Variants in AMBRA1 observed in about 807,000 individuals in gnomAD.
AMBRA1 encodes autophagy and beclin 1 regulator 1, also known as activating molecule in BECN1-regulated autophagy protein 1.
In AMBRA1, 47 loss-of-function variants were observed where a neutral mutation model predicts 125.4. The ratio of observed to expected loss-of-function variants is 0.37; its 90% CI spans 0.30 to 0.48. The LOEUF (loss-of-function observed/expected upper bound fraction) is 0.48. Ranked by LOEUF, AMBRA1 falls within the 20% of genes least tolerant of loss-of-function variation. The probability of loss-of-function intolerance (pLI) is 0.99; values close to 1 mark genes in which losing one functional copy is unlikely to be tolerated. For synonymous variants in AMBRA1, 626 were observed against 655.5 expected, an observed-to-expected ratio of 0.95 and a Z score of 0.69; for missense variants, 1,331 against 1,693.4, an observed-to-expected ratio of 0.79 and a Z score of 3.76.
intron 7 of AMBRA1, among the ~76,000 whole-genome samples, chr11:46,529,374 G>A (rs1238682025): frequency 6.6e-6 from 1 of 152,198 alleles, no homozygotes; most frequent in Non-Finnish European, 1.5e-5. Context: ...TCTCAGGTGA[G>A]GGGGCTGTCA....
At chr11:46,534,427 G>A (rs780257970) in intron 7 of AMBRA1, among the ~76,000 whole-genome samples, 2 of 151,984 alleles carry the variant, frequency 1.3e-5, no homozygotes, top group Non-Finnish European at 2.9e-5. Context: ...CCCGGGAGGC[G>A]GAGGTTACAG....
At position 46,508,120 on chromosome 11, in the gene AMBRA1, A is replaced by T. The variant is rs547496739; in HGVS notation, c.2339+71T>A. On this transcript the variant is annotated intron_variant, in intron 9 of 17. Transcript: ENST00000683756. ...CAAGAACATCCACCATTGTAGCTCC[A>T]ACAGTGGCCAACTTGGAAGCACTCC... 41 of 1,526,976 alleles carry T rather than the reference A, an allele frequency of 2.7e-5. No individual in the cohort carries two copies. The Middle Eastern group carries it at 6.0e-4, about 22-fold the overall frequency. 94.6% of individuals were successfully genotyped at this position (1,526,976 alleles called of 1,614,324 possible).
intron 11 of AMBRA1, among the ~76,000 whole-genome samples, chr11:46,471,968 T>C (rs936172925): frequency 6.6e-6 from 1 of 152,158 alleles, no homozygotes; most frequent in Non-Finnish European, 1.5e-5. Context: ...TCGTTTCACA[T>C]CCACATTAAT....
At chr11:46,545,461 C>CAA in intron 5 of AMBRA1, 143 bp downstream of exon 5, 64 of 834,526 alleles carry the variant, frequency 7.7e-5, no homozygotes, top group East Asian at 9.9e-5. Flanking sequence ...CACCCTGTCT[C>CAA]AAAAAAAAAA....
rs377069728 is a variant in AMBRA1, at chr11:46,435,032, C to T, written c.2638G>A (p.Val880Met). The T allele has an allele frequency of 2.4e-5, 39 of 1,604,474 alleles. No homozygotes were observed. Among genetic ancestry groups the T allele is most frequent in the Middle Eastern group, 1.7e-4 (1 of 6,054 alleles). Residue 880 changes from valine (V) to methionine (M), a missense_variant, in exon 13 of 18, where the codon GTG becomes ATG. By Grantham distance (21) the Val-to-Met change is conservative. This residue lies in a region of AMBRA1 where 354 missense variants were observed against 532.7 expected (regional missense o/e 0.66). Transcript: ENST00000683756. ...FDLPEISNAS[V>M]NVLVQNCKIY... ...TTGCAGTTCTGCACCAGCACATTCA[C>T]GGAAGCTGCATCAGACAAAGAAAGA...
chr11:46,538,993 A>G (rs996261831), intron 7 of AMBRA1, among the ~76,000 whole-genome samples: 2 of 152,136 alleles, frequency 1.3e-5, no homozygotes, highest in African/African-American at 2.4e-5. Flanking sequence ...ACCATCTTAC[A>G]TAGCACAGAT....
chr11:46,527,634 G>T (rs1051184098), intron 7 of AMBRA1, among the ~76,000 whole-genome samples: 12 of 151,802 alleles, frequency 7.9e-5, no homozygotes, highest in Middle Eastern at 6.8e-3. Context: ...CTAAACAATG[G>T]GCCAAAGACT....
At chr11:46,499,541 C>T (rs1950754484) in intron 9 of AMBRA1, among the ~76,000 whole-genome samples, 1 of 152,168 alleles carries the variant, frequency 6.6e-6, no homozygotes, top group African/African-American at 2.4e-5. Context: ...ATGTATTTTA[C>T]AAATACATTG....
intron 1 of AMBRA1, among the ~76,000 whole-genome samples, chr11:46,560,561 C>T (rs1158807950): frequency 1.3e-5 from 2 of 152,102 alleles, no homozygotes; most frequent in African/African-American, 4.8e-5. Context: ...TTCCTTACTC[C>T]CACTTACCTC....
rs553040136 is a variant in AMBRA1 at position 46,400,473 on chromosome 11, G to GTTTTTTTT, written c.3404-2538_3404-2531dup. On this transcript the variant is annotated intron_variant, in intron 17 of 17. Coordinates refer to ENST00000683756, the MANE Select transcript of AMBRA1 (RefSeq NM_001387011.1). ...CCTCATGCTTCTAGTTCTTTCTATAGTTTTTTTTTTTTTTTTTTTTTTTTT... is the reference window on the plus strand; with the variant it reads ...CCTCATGCTTCTAGTTCTTTCTATAGTTTTTTTTTTTTTTTTTTTTTTTTTTTTTTTTT... Among the ~76,000 whole-genome samples the GTTTTTTTT allele has an allele frequency of 1.8e-3, 90 of 48,874 alleles. 26 individuals are homozygous for GTTTTTTTT. Among genetic ancestry groups the GTTTTTTTT allele is most frequent in the Non-Finnish European group, 2.2e-3 (52 of 24,024 alleles). 32.1% of individuals were successfully genotyped at this position (48,874 alleles called of 152,430 possible). A position where few individuals can be genotyped will look rare whatever the true frequency, so the allele number is the denominator to read the frequency against.
At chr11:46,577,602 T>G (rs770317960) in intron 1 of AMBRA1, among the ~76,000 whole-genome samples, 2 of 152,014 alleles carry the variant, frequency 1.3e-5, no homozygotes, top group African/African-American at 4.8e-5. Flanking sequence ...TGGCTAAATT[T>G]ACGTGAAGTG....
chr11:46,526,822 T>C (rs1200834502), intron 7 of AMBRA1, among the ~76,000 whole-genome samples: 2 of 152,208 alleles, frequency 1.3e-5, no homozygotes, highest in East Asian at 1.9e-4. Context: ...GTGAACAAAG[T>C]AGTTCCTTAT....
intron 9 of AMBRA1, chr11:46,504,390 G>A (rs2135020628): frequency 6.6e-6 from 1 of 152,318 alleles, no homozygotes; most frequent in Middle Eastern, 3.4e-3. Context: ...GAAAATGGAA[G>A]TCTGCCTTAC....
At chr11:46,538,149 G>A (rs1451698037) in intron 7 of AMBRA1, among the ~76,000 whole-genome samples, 2 of 152,144 alleles carry the variant, frequency 1.3e-5, no homozygotes, top group East Asian at 3.8e-4. Flanking sequence ...CATTCAAATG[G>A]TGGTCCTTCT....
At chr11:46,565,726 A>C (rs928882254) in intron 1 of AMBRA1, among the ~76,000 whole-genome samples, 1 of 152,126 alleles carries the variant, frequency 6.6e-6, no homozygotes, top group African/African-American at 2.4e-5. Flanking sequence ...GTGTATAAAA[A>C]TGTTAACAGC....
intron 1 of AMBRA1, among the ~76,000 whole-genome samples, chr11:46,556,309 C>G (rs2043154568): frequency 6.6e-6 from 1 of 152,206 alleles, no homozygotes; most frequent in South Asian, 2.1e-4. Flanking sequence ...TGACTCCATA[C>G]AGCTCTTGTG....
At chr11:46,575,512 C>CT (rs775796043) in intron 1 of AMBRA1, among the ~76,000 whole-genome samples, 4,865 of 100,490 alleles carry the variant, frequency 0.048, 191 homozygotes, top group Non-Finnish European at 0.065. Context: ...TTTTTCTTTC[C>CT]TTTTTTTTTT....
At chr11:46,417,861 C>G in intron 15 of AMBRA1, 52 bp downstream of exon 15, 1 of 1,543,878 alleles carries the variant, frequency 6.5e-7, no homozygotes, top group South Asian at 1.2e-5. Context: ...TACTGATTAC[C>G]CCAGTCCTCG....
Position 46,494,114 on chromosome 11 carries a change from C to T in AMBRA1, c.2420+10G>A, listed in dbSNP as rs753061754. 5 of 1,598,996 alleles carry T rather than the reference C, an allele frequency of 3.1e-6. No homozygotes were observed. Among genetic ancestry groups the T allele is most frequent in the East Asian group, 4.5e-5 (2 of 44,588 alleles). Reference sequence around the variant, plus strand: ...AAGGCTCCCTCTGTTGCTAGCAACTCGGTTCTTACCTTGGGACAAAGCGTC... The same window carrying T: ...AAGGCTCCCTCTGTTGCTAGCAACTTGGTTCTTACCTTGGGACAAAGCGTC... On this transcript the variant is annotated intron_variant, in intron 10 of 17. Coordinates refer to ENST00000683756, the MANE Select transcript of AMBRA1 (RefSeq NM_001387011.1).
Sources: allele counts gnomAD v4.1 joint callset (sites outside exome capture counted in the v4.1 genomes callset), GRCh38; gene constraint gnomAD v4.1.1; regional missense constraint gnomAD v4.1.1; transcripts MANE v1.5; gene names NCBI Gene and HGNC (gene_info 2026-07-23, HGNC 2026-07-21).